TCFL5: variants seen among roughly 807,000 people sequenced by gnomAD.
TCFL5 encodes the protein transcription factor like 5, also known as transcription factor-like 5 protein.
In TCFL5, 9 loss-of-function variants were observed where a neutral mutation model predicts 44.3. The ratio of observed to expected loss-of-function variants is 0.20; its 90% CI spans 0.12 to 0.35. The LOEUF (loss-of-function observed/expected upper bound fraction) is 0.35. TCFL5 is among the 10% of genes least tolerant of loss of function. The probability of loss-of-function intolerance (pLI) is 1.00; values close to 1 mark genes in which losing one functional copy is unlikely to be tolerated. For synonymous variants in TCFL5, 319 were observed against 271.6 expected, an observed-to-expected ratio of 1.17 and a Z score of -1.72; for missense variants, 603 against 613.4, an observed-to-expected ratio of 0.98 and a Z score of 0.18.
At chr20:62,852,087 G>T (rs1393673295) in intron 5 of TCFL5, 1 of 985,328 alleles carries the variant, frequency 1.0e-6, no homozygotes, top group Non-Finnish European at 1.2e-6. Flanking sequence ...TCACAGGCAT[G>T]AGTCACTGCG....
intron 4 of TCFL5, 26 bp downstream of exon 4, chr20:62,857,369 G>C (rs1292078946): frequency 6.2e-7 from 1 of 1,611,524 alleles, no homozygotes; most frequent in Non-Finnish European, 8.5e-7. Context: ...ATATGAGTCA[G>C]CCTGACAAGC....
At chr20:62,847,114 C>T (rs2063754096) in intron 5 of TCFL5, among the ~76,000 whole-genome samples, 1 of 150,526 alleles carries the variant, frequency 6.6e-6, no homozygotes, top group Admixed American at 6.6e-5. Flanking sequence ...ACCCAGGAGG[C>T]AGACGCTGTA....
chr20:62,847,528 C>T (rs111728019), intron 5 of TCFL5, among the ~76,000 whole-genome samples: 24 of 152,328 alleles, frequency 1.6e-4, no homozygotes, highest in African/African-American at 5.8e-4. Flanking sequence ...GACCAAGGAG[C>T]TCAGGTGGCC....
rs1365467111 is a variant in TCFL5, at chr20:62,841,226, A to ACTT, written c.*746_*748dup. 2 of 164,746 alleles carry ACTT rather than the reference A, an allele frequency of 1.2e-5. No homozygotes were observed. The highest frequency in any genetic ancestry group is 1.1e-4 in the Admixed American group (2 of 17,468). The allele number at this position is 164,746 out of a possible 1,614,324, so 10.2% of individuals were successfully genotyped here. A position where few individuals can be genotyped will look rare whatever the true frequency, so the allele number is the denominator to read the frequency against. ...CAATTAACAGTATTTATTGAGGGTG[A>ACTT]CTTTGTATTGCACTAACGTCTATTG... On this transcript the variant is annotated 3_prime_UTR_variant, in exon 6 of 6. Coordinates refer to ENST00000335351, the MANE Select transcript of TCFL5 (RefSeq NM_006602.4).
At chr20:62,845,728 A>G in intron 5 of TCFL5, 1 of 1,606,656 alleles carries the variant, frequency 6.2e-7, no homozygotes, top group Non-Finnish European at 8.5e-7. Flanking sequence ...TCGGAGACAT[A>G]TTTCTGTCCC....
intron 5 of TCFL5, among the ~76,000 whole-genome samples, chr20:62,846,654 T>C (rs2063746614): frequency 6.6e-6 from 1 of 151,524 alleles, no homozygotes; most frequent in Non-Finnish European, 1.5e-5. Flanking sequence ...CGGTCCTAGC[T>C]ACTCGGGAGG....
intron 5 of TCFL5, chr20:62,851,641 A>C: frequency 1.0e-6 from 1 of 985,452 alleles, no homozygotes; most frequent in Non-Finnish European, 1.2e-6. Context: ...AATTAAATGT[A>C]TAATGTAAAT....
At chr20:62,860,920 C>T in intron 1 of TCFL5, 104 bp downstream of exon 1, 2 of 900,210 alleles carry the variant, frequency 2.2e-6, no homozygotes, top group Non-Finnish European at 1.3e-6. Context: ...GGAGGGCAGG[C>T]TGGGGGCGTG....
Position 62,861,086 on chromosome 20 carries a change from G to A in TCFL5, c.585C>T (p.Pro195=), listed in dbSNP as rs1318248051. ...CGCGCGGCGCGGGCGGCGGCTCGGC[G>A]GGGATGCTGTTGAAGCGGTCCTCCA... ...VRLEDRFNSI[P]AEPPPAPRGP... is the part of the protein sequence containing the mutation. Residue 195 remains proline (P), a synonymous_variant, in exon 1 of 6, where the codon CCC becomes CCT. Coordinates refer to ENST00000335351, the MANE Select transcript of TCFL5 (RefSeq NM_006602.4). This position sits in a 1 kb window ranked among gnomAD's most constrained non-coding sequence, Gnocchi z 4.0. 1.6e-5 allele frequency: 16 copies of A among 997,134 alleles called. No homozygotes were observed. The highest frequency in any genetic ancestry group is 1.7e-5 in the Non-Finnish European group (14 of 839,516). 61.8% of individuals were successfully genotyped at this position (997,134 alleles called of 1,614,324 possible).
At chr20:62,843,911 G>A (rs2063707287) in intron 5 of TCFL5, among the ~76,000 whole-genome samples, 3 of 152,248 alleles carry the variant, frequency 2.0e-5, no homozygotes, top group Non-Finnish European at 4.4e-5. Flanking sequence ...GCTGTAGCCT[G>A]TGTCAGAATT....
chr20:62,842,304 A>G lies in TCFL5; in HGVS notation c.1381-207T>C, dbSNP rs1022586105. ...ACTTTTTTTTTTTCAAATAGCAGTTACACTGTACATGTACTTTTGTTTTTC... is the reference window on the plus strand; with the variant it reads ...ACTTTTTTTTTTTCAAATAGCAGTTGCACTGTACATGTACTTTTGTTTTTC... On this transcript the variant is annotated intron_variant, in intron 5 of 5. Transcript: ENST00000335351. The surrounding 1 kb of genome is among the most constrained non-coding windows in gnomAD (Gnocchi z 4.3). 3.9e-5 allele frequency among the ~76,000 whole-genome samples: 6 copies of G among 152,116 alleles called. No individual in the cohort carries two copies. The highest frequency in any genetic ancestry group is 7.4e-5 in the Non-Finnish European group (5 of 68,020).
chr20:62,861,535 G>A lies in TCFL5; in HGVS notation c.136C>T (p.Leu46=), dbSNP rs767268755. Residue 46 remains leucine, a synonymous_variant, in exon 1 of 6, where the codon CTG becomes TTG. Coordinates refer to ENST00000335351, the MANE Select transcript of TCFL5 (RefSeq NM_006602.4). This position sits in a 1 kb window ranked among gnomAD's most constrained non-coding sequence, Gnocchi z 4.0. The part of the protein sequence containing the change: ...GLSFTTTDLS[L]VEMTEVEYTQ... ...TACTCCACCTCCGTCATCTCCACCA[G>A]GCTCAGGTCGGTGGTCGTGAAGCTC... 4 of 1,162,478 alleles carry A rather than the reference G, an allele frequency of 3.4e-6. No homozygotes were observed. Among genetic ancestry groups the A allele is most frequent in the African/African-American group, 1.6e-5 (1 of 60,936 alleles). 72.0% of individuals were successfully genotyped at this position (1,162,478 alleles called of 1,614,324 possible).
chr20:62,845,757 T>C, intron 5 of TCFL5: 1 of 1,606,366 alleles, frequency 6.2e-7, no homozygotes, highest in Non-Finnish European at 8.5e-7. Context: ...CGGAGATAAC[T>C]TCTCCATCAC....
At chr20:62,858,724 C>T (rs533399483) in intron 3 of TCFL5, among the ~76,000 whole-genome samples, 2,912 of 46,186 alleles carry the variant, frequency 0.063, 190 homozygotes, top group East Asian at 0.13. Flanking sequence ...GAAGGGGCTA[C>T]GCAGGTGTTT....
intron 5 of TCFL5, chr20:62,852,553 C>G: frequency 1.0e-6 from 1 of 985,510 alleles, no homozygotes; most frequent in Non-Finnish European, 1.2e-6. Flanking sequence ...CACGACCACA[C>G]AGACAGGATC....
chr20:62,861,354 T>C lies in TCFL5; in HGVS notation c.317A>G (p.Tyr106Cys). 3 of 1,069,794 alleles carry C rather than the reference T, an allele frequency of 2.8e-6. No individual in the cohort carries two copies. Among genetic ancestry groups the C allele is most frequent in the Non-Finnish European group, 3.4e-6 (3 of 887,320 alleles). 66.3% of individuals were successfully genotyped at this position (1,069,794 alleles called of 1,614,324 possible). ...AGGQGGAAPVYPVLCPSALAA... is the reference protein window; with the variant it reads ...AGGQGGAAPVCPVLCPSALAA... ...CAGCGCGGACGGGCACAGCACGGGG[T>C]ACACGGGCGCCGCGCCCCCCTGACC... is the stretch of plus-strand genomic sequence containing the variant. The change falls in exon 1 of 6, where the codon TAC becomes TGC. Residue 106 changes from tyrosine to cysteine, a missense_variant. By Grantham distance (194) the Tyr-to-Cys change is radical. This residue lies in a region of TCFL5 where 540 missense variants were observed against 478.7 expected (regional missense o/e 1.13). Transcript: ENST00000335351. The surrounding 1 kb of genome is among the most constrained non-coding windows in gnomAD (Gnocchi z 4.0).
chr20:62,851,776 C>T (rs1022734384), intron 5 of TCFL5: 38 of 985,300 alleles, frequency 3.9e-5, no homozygotes, highest in South Asian at 4.7e-5. Context: ...AGCCCAGCTG[C>T]GGGGACCTCT....
At chr20:62,858,309 C>G (rs2063927671) in intron 3 of TCFL5, among the ~76,000 whole-genome samples, 1 of 152,196 alleles carries the variant, frequency 6.6e-6, no homozygotes, top group Non-Finnish European at 1.5e-5. Flanking sequence ...CATGTGCACG[C>G]GTATGCCACA....
In TCFL5 at chr20:62,861,630, C is replaced by G. The variant is rs1444193435; in HGVS notation, c.41G>C (p.Gly14Ala). The G allele has an allele frequency of 1.0e-6, 1 of 996,710 alleles. No homozygotes were observed. Among genetic ancestry groups the G allele is most frequent in the African/African-American group, 1.8e-5 (1 of 56,972 alleles). The allele number at this position is 996,710 out of a possible 1,614,324, so 61.7% of individuals were successfully genotyped here. ...GACGGCCGCCTCGCCGCCTGCCGCG[C>G]CTGCCTCCGGCGGCGGCTCCCGCGG... ...PGPREPPPEA[G>A]AAGGEAAVEG... The change falls in exon 1 of 6, where the codon GGC becomes GCC. Residue 14 changes from glycine to alanine, a missense_variant. Transcript: ENST00000335351. This position sits in a 1 kb window ranked among gnomAD's most constrained non-coding sequence, Gnocchi z 4.0.
Sources: allele counts gnomAD v4.1 joint callset (sites outside exome capture counted in the v4.1 genomes callset), GRCh38; gene constraint gnomAD v4.1.1; regional missense constraint gnomAD v4.1.1; non-coding constraint Gnocchi (gnomAD v3.1); transcripts MANE v1.5; gene names NCBI Gene and HGNC (gene_info 2026-07-23, HGNC 2026-07-21).